DIP2C: variants seen among roughly 807,000 people sequenced by gnomAD.
DIP2C encodes the protein disco-interacting protein 2 homolog C.
A neutral mutation model predicts 192.4 loss-of-function variants in DIP2C; 33 were observed. That is an observed-to-expected ratio of 0.17 (90% CI 0.13 to 0.23). DIP2C has a LOEUF of 0.23. Among genes scored for constraint, DIP2C ranks in the 10% least tolerant of loss-of-function variants. DIP2C has a pLI of 1.00. For missense variants in DIP2C, 1,537 were observed against 2,110.1 expected (o/e 0.73, Z 5.32); for synonymous variants, 979 against 864.1 (o/e 1.13, Z -2.33).
In DIP2C at chr10:364,620, G is replaced by A. The variant is rs907536380; in HGVS notation, c.2269-38C>T. On this transcript the variant is annotated intron_variant, in intron 19 of 36. Coordinates refer to ENST00000280886, the MANE Select transcript of DIP2C (RefSeq NM_014974.3). ...GCATCCATCAGGCCACTGTTCATGT[G>A]GTCAGCTGGTTTTAATCCTCGCCGC... The A allele has an allele frequency of 2.5e-6, 4 of 1,598,752 alleles. No homozygotes were observed. The African/African-American group carries it at 4.0e-5, about 16-fold the overall frequency.
intron 31 of DIP2C, among the ~76,000 whole-genome samples, chr10:320,333 T>C (rs564852942): frequency 8.3e-4 from 125 of 151,210 alleles, no homozygotes; most frequent in African/African-American, 2.9e-3. Context: ...CATGGCAAAA[T>C]CCTGTCCCTG....
In DIP2C at chr10:419,110, T is replaced by C. The variant is rs200266725; in HGVS notation, c.694A>G (p.Thr232Ala). Reference protein sequence around the residue: ...ERPQGSTGSRTAPKYGNAELM... With the variant: ...ERPQGSTGSRAAPKYGNAELM... ...TCGGCGTTGCCGTACTTGGGCGCTGTCCGGGACCCCGTGGAACCCTGCGGT... is the reference window on the plus strand; with the variant it reads ...TCGGCGTTGCCGTACTTGGGCGCTGCCCGGGACCCCGTGGAACCCTGCGGT... The change falls in exon 6 of 37, where the codon ACA (threonine) becomes GCA (alanine). Residue 232 changes from threonine (T) to alanine (A), a missense_variant. By Grantham distance (58) the Thr-to-Ala change is moderately conservative. This residue lies in a region of DIP2C where 473 missense variants were observed against 539.6 expected (regional missense o/e 0.88). Coordinates refer to ENST00000280886, the MANE Select transcript of DIP2C (RefSeq NM_014974.3). 45 of 1,614,266 alleles carry C rather than the reference T, an allele frequency of 2.8e-5. No homozygotes were observed. Among genetic ancestry groups the C allele is most frequent in the Admixed American group, 8.3e-5 (5 of 60,034 alleles).
chr10:354,390 C>T (rs1232505761), intron 24 of DIP2C, among the ~76,000 whole-genome samples: 3 of 152,192 alleles, frequency 2.0e-5, no homozygotes, highest in Non-Finnish European at 4.4e-5. Flanking sequence ...GACCAGATGC[C>T]AAGCCCAGGA....
intron 4 of DIP2C, among the ~76,000 whole-genome samples, chr10:424,205 C>T (rs1047924758): frequency 2.0e-5 from 3 of 152,006 alleles, no homozygotes; most frequent in Non-Finnish European, 2.9e-5. Flanking sequence ...TCTTAAGACA[C>T]GGGTTTGTTT....
intron 1 of DIP2C, among the ~76,000 whole-genome samples, chr10:619,277 A>C (rs1330862394): frequency 2.0e-5 from 3 of 152,206 alleles, no homozygotes; most frequent in Non-Finnish European, 2.9e-5. Flanking sequence ...GCCCCAAACA[A>C]CACGAACTTA....
intron 1 of DIP2C, among the ~76,000 whole-genome samples, chr10:513,892 C>T (rs1329458944): frequency 6.6e-6 from 1 of 152,224 alleles, no homozygotes; most frequent in East Asian, 1.9e-4. Flanking sequence ...ACTTCACTCA[C>T]CATCCAGCCT....
chr10:436,777 C>T (rs1221143255), intron 4 of DIP2C, among the ~76,000 whole-genome samples: 2 of 125,502 alleles, frequency 1.6e-5, no homozygotes, highest in Non-Finnish European at 3.1e-5. Context: ...TCCGCCCACA[C>T]CTGAGCTCTC....
At chr10:334,662 TC>T (rs1257686265) in intron 29 of DIP2C, among the ~76,000 whole-genome samples, 5 of 152,228 alleles carry the variant, frequency 3.3e-5, no homozygotes, top group African/African-American at 1.2e-4. Context: ...TGTCCGAATT[TC>T]CCAGCATCTG....
intron 3 of DIP2C, among the ~76,000 whole-genome samples, chr10:450,515 A>G (rs1011693874): frequency 7.9e-5 from 12 of 152,228 alleles, no homozygotes; most frequent in Admixed American, 2.0e-4. Flanking sequence ...CAATGTTGAC[A>G]TTGAAAATAA....
intron 1 of DIP2C, among the ~76,000 whole-genome samples, chr10:529,918 C>T (rs1413995546): frequency 3.3e-5 from 5 of 152,326 alleles, no homozygotes; most frequent in African/African-American, 1.2e-4. Context: ...AAGCTGGGAC[C>T]AACAGGCAAG....
chr10:676,881 G>C (rs1045473970), intron 1 of DIP2C, among the ~76,000 whole-genome samples: 1 of 151,940 alleles, frequency 6.6e-6, no homozygotes, highest in Non-Finnish European at 1.5e-5. Flanking sequence ...AGCCTTGTAG[G>C]GTGACTATAG....
At position 364,463 on chromosome 10, in the gene DIP2C, G is replaced by C. The variant is rs369004242; in HGVS notation, c.2388C>G (p.Leu796=). 6.2e-7 allele frequency: 1 copy of C among 1,614,172 alleles called. No individual in the cohort carries two copies. The highest frequency in any genetic ancestry group is 1.7e-5 in the Admixed American group (1 of 60,030). ...LVFVVGKMDG[L]MVVSGRRHNA... is the part of the protein sequence containing the mutation. Reference sequence around the variant, plus strand: ...TGTGCCTGCGCCCGCTGACCACCATGAGGCCATCCATCTTGCCCACCACGA... The same window carrying C: ...TGTGCCTGCGCCCGCTGACCACCATCAGGCCATCCATCTTGCCCACCACGA... The change falls in exon 20 of 37, where the codon CTC becomes CTG. Residue 796 remains leucine (L), a synonymous_variant. Coordinates refer to ENST00000280886, the MANE Select transcript of DIP2C (RefSeq NM_014974.3).
chr10:556,363 C>T (rs1217968815), intron 1 of DIP2C, among the ~76,000 whole-genome samples: 2 of 95,902 alleles, frequency 2.1e-5, no homozygotes, highest in Non-Finnish European at 4.1e-5. Context: ...CTCCCACAGC[C>T]GGATCCCAGG....
intron 1 of DIP2C, among the ~76,000 whole-genome samples, chr10:683,481 G>A (rs1039488639): frequency 1.3e-5 from 2 of 152,152 alleles, no homozygotes; most frequent in South Asian, 2.1e-4. Context: ...AGGTGGAGGC[G>A]TTCGGGAAGG....
intron 32 of DIP2C, among the ~76,000 whole-genome samples, chr10:299,891 T>C (rs114016725): frequency 0.011 from 1,648 of 152,250 alleles, 30 homozygotes; most frequent in African/African-American, 0.037. Flanking sequence ...GGTATACAAA[T>C]AGCCAGTGAG....
rs372847706 is a variant in DIP2C, at chr10:569,503, C to T, written c.86-82973G>A. Among the ~76,000 whole-genome samples, 47 of 152,184 alleles carry T rather than the reference C, an allele frequency of 3.1e-4. 1 individual carries two copies. The highest frequency in any genetic ancestry group is 2.1e-3 in the East Asian group (11 of 5,186). Reference sequence around the variant, plus strand: ...GAAAATGAACTAGCTCAAACTCAAACGCAAAATAACAAACCAAAGCATGTG... The same window carrying T: ...GAAAATGAACTAGCTCAAACTCAAATGCAAAATAACAAACCAAAGCATGTG... On this transcript the variant is annotated intron_variant, in intron 1 of 36. Coordinates refer to ENST00000280886, the MANE Select transcript of DIP2C (RefSeq NM_014974.3).
chr10:583,082 C>A (rs982721011), intron 1 of DIP2C, among the ~76,000 whole-genome samples: 4 of 152,214 alleles, frequency 2.6e-5, no homozygotes, highest in Non-Finnish European at 5.9e-5. Context: ...TCTAGGTTTG[C>A]AAGAATCAGT....
intron 29 of DIP2C, among the ~76,000 whole-genome samples, 168 bp from the exon 30 acceptor site, chr10:329,769 T>C (rs532325860): frequency 1.2e-4 from 19 of 152,322 alleles, no homozygotes; most frequent in African/African-American, 4.3e-4. Context: ...ACTGCAACCA[T>C]GTTCACGAAA....
At chr10:496,915 G>A (rs1034083043) in intron 1 of DIP2C, among the ~76,000 whole-genome samples, 2 of 152,336 alleles carry the variant, frequency 1.3e-5, no homozygotes, top group Non-Finnish European at 2.9e-5. Flanking sequence ...ACGAGGTCAG[G>A]AGATCAAGAC....
Sources: allele counts gnomAD v4.1 joint callset (sites outside exome capture counted in the v4.1 genomes callset), GRCh38; gene constraint gnomAD v4.1.1; regional missense constraint gnomAD v4.1.1; transcripts MANE v1.5; gene names NCBI Gene and HGNC (gene_info 2026-07-23, HGNC 2026-07-21).